Variants in NEXN observed in about 807,000 individuals in gnomAD.
NEXN encodes the protein nexilin.
Under a neutral mutation model 92.6 loss-of-function variants are expected in NEXN, and 65 were observed. The observed-to-expected ratio is 0.70, with a 90% CI of 0.57 to 0.86. The LOEUF is 0.86. Among genes scored for constraint, NEXN ranks in the 40% least tolerant of loss-of-function variants. The probability of loss-of-function intolerance (pLI) is 0.00; values close to 1 mark genes in which losing one functional copy is unlikely to be tolerated. For missense variants in NEXN, 778 were observed against 771.1 expected (o/e 1.01, Z -0.11); for synonymous variants, 254 against 242.5 (o/e 1.05, Z -0.44).
rs149920580 is a variant in NEXN, at chr1:77,915,789, T to C, written c.-52-266T>C. 2.0e-3 allele frequency among the ~76,000 whole-genome samples: 312 copies of C among 152,370 alleles called. 1 individual carries two copies. Among genetic ancestry groups the C allele is most frequent in the African/African-American group, 6.8e-3 (282 of 41,592 alleles). On this transcript the variant is annotated intron_variant, in intron 1 of 12. Transcript: ENST00000334785. ...ATAGAGTAATACACTCAGTAATTGC[T>C]GAATACACATTCTTTTCAAGTGAAC...
At chr1:77,933,583 T>C (rs575757155) in intron 10 of NEXN, 104 bp downstream of exon 10, 82 of 917,364 alleles carry the variant, frequency 8.9e-5, no homozygotes, top group South Asian at 2.0e-4. Flanking sequence ...TTTAGGATAG[T>C]TGACATAGTA....
At chr1:77,909,280 C>T (rs1339095086) in intron 1 of NEXN, among the ~76,000 whole-genome samples, 4 of 151,936 alleles carry the variant, frequency 2.6e-5, no homozygotes, top group African/African-American at 9.7e-5. Context: ...ATTAGCTGGG[C>T]GTAGTGGGGC....
chr1:77,933,555 T>C (rs1455689894), intron 10 of NEXN, 76 bp downstream of exon 10: 2 of 1,063,164 alleles, frequency 1.9e-6, no homozygotes, highest in Admixed American at 4.0e-5. Flanking sequence ...TTATAATAAC[T>C]TTGTATTATT....
intron 10 of NEXN, among the ~76,000 whole-genome samples, chr1:77,935,159 T>A (rs1053912742): frequency 6.6e-6 from 1 of 152,142 alleles, no homozygotes; most frequent in Non-Finnish European, 1.5e-5. Context: ...CACCTCAGCC[T>A]CCCAAGTAGC....
In NEXN at chr1:77,925,926, A is replaced by G. The variant is rs1005722403; in HGVS notation, c.490-488A>G. On this transcript the variant is annotated intron_variant, in intron 6 of 12. Transcript: ENST00000334785. The stretch of plus-strand genomic sequence containing the variant: ...ATACCAGAGAGTTTATCTATAATAT[A>G]TATAAATGTTTAATAAATCACTTGG... Among the ~76,000 whole-genome samples, 87 of 152,066 alleles carry G rather than the reference A, an allele frequency of 5.7e-4. 6 individuals carry two copies. Among genetic ancestry groups the G allele is most frequent in the Non-Finnish European group, 1.0e-4 (7 of 67,994 alleles).
chr1:77,900,369 G>A (rs1450425480), intron 1 of NEXN, among the ~76,000 whole-genome samples: 1 of 152,038 alleles, frequency 6.6e-6, no homozygotes, highest in Admixed American at 6.6e-5. Context: ...TCTATAGCCT[G>A]GTTATAATAC....
intron 1 of NEXN, among the ~76,000 whole-genome samples, chr1:77,895,262 G>C (rs1220767371): frequency 6.6e-6 from 1 of 151,574 alleles, no homozygotes; most frequent in Non-Finnish European, 1.5e-5. Context: ...AGCCAGGATG[G>C]TCTCGATCTC....
chr1:77,897,954 G>A (rs1647366870), intron 1 of NEXN, among the ~76,000 whole-genome samples: 2 of 152,146 alleles, frequency 1.3e-5, no homozygotes, highest in African/African-American at 4.8e-5. Flanking sequence ...AACTTACAAG[G>A]GAAGTGAAGG....
intron 1 of NEXN, among the ~76,000 whole-genome samples, chr1:77,911,009 T>C (rs1648534744): frequency 6.6e-6 from 1 of 151,884 alleles, no homozygotes; most frequent in Non-Finnish European, 1.5e-5. Context: ...GGCTAATTTT[T>C]AAATTTTTTG....
Position 77,918,271 on chromosome 1 carries a change from C to G in NEXN, c.445C>G (p.Gln149Glu), listed in dbSNP as rs750032549. The G allele has an allele frequency of 1.2e-6, 2 of 1,613,878 alleles. No homozygotes were observed. The highest frequency in any genetic ancestry group is 1.7e-6 in the Non-Finnish European group (2 of 1,179,922). ...GCGTGAATTAGCAAAAAGGGCTGAACAGGTATCACTGAAGATTAAGTTCGT... is the reference window on the plus strand; with the variant it reads ...GCGTGAATTAGCAAAAAGGGCTGAAGAGGTATCACTGAAGATTAAGTTCGT... The part of the protein sequence containing the change: ...IQRELAKRAE[Q>E]IEDINNTGTE... The change falls in exon 5 of 13, where the codon CAG becomes GAG. Residue 149 changes from glutamine to glutamate, a missense_variant and splice_region_variant. This residue lies in a region of NEXN where 236 missense variants were observed against 265.6 expected (regional missense o/e 0.89). Coordinates refer to ENST00000334785, the MANE Select transcript of NEXN (RefSeq NM_144573.4).
At position 77,926,577 on chromosome 1, in the gene NEXN, C is replaced by T; in HGVS notation, c.653C>T (p.Ser218Phe). 6.2e-7 allele frequency: 1 copy of T among 1,613,914 alleles called. No homozygotes were observed. The highest frequency in any genetic ancestry group is 8.5e-7 in the Non-Finnish European group (1 of 1,179,930). The change falls in exon 7 of 13, where the codon TCT (serine) becomes TTT (phenylalanine). Residue 218 changes from serine (S) to phenylalanine (F), a missense_variant. Physicochemically the swap from Ser to Phe is radical, Grantham distance 155. Around this residue, in one of 3 missense-constraint regions of NEXN, gnomAD observed 236 missense variants for 265.6 expected, o/e 0.89. Transcript: ENST00000334785. ...ATAAGATATGAAGAACAACGACCAT[C>T]TCTCAAGGAAGCAAAGTGTCTTTCA... is the stretch of plus-strand genomic sequence containing the variant. ...KRIRYEEQRP[S>F]LKEAKCLSLV... is the part of the protein sequence containing the mutation.
chr1:77,894,319 G>A (rs949275055), intron 1 of NEXN, among the ~76,000 whole-genome samples: 1 of 152,112 alleles, frequency 6.6e-6, no homozygotes, highest in Admixed American at 6.5e-5. Context: ...TCACTACTTC[G>A]TATAGGTGAA....
At chr1:77,940,420 C>A (rs952191386) in intron 11 of NEXN, among the ~76,000 whole-genome samples, 48 of 152,140 alleles carry the variant, frequency 3.2e-4, no homozygotes, top group African/African-American at 1.2e-3. Flanking sequence ...TTTAACCTGG[C>A]TTTTTAGGAG....
intron 1 of NEXN, among the ~76,000 whole-genome samples, chr1:77,911,045 C>T (rs532800225): frequency 7.6e-4 from 115 of 152,036 alleles, no homozygotes; most frequent in Admixed American, 5.6e-3. Flanking sequence ...CTATGTTGCC[C>T]AGGTTGTTCT....
In NEXN at chr1:77,943,789, A is replaced by G. The variant is rs1390747899; in HGVS notation, c.*960A>G. 2.6e-5 allele frequency: 4 copies of G among 152,206 alleles called. No individual in the cohort carries two copies. The highest frequency in any genetic ancestry group is 5.9e-5 in the Non-Finnish European group (4 of 68,028). 9.4% of individuals were successfully genotyped at this position (152,206 alleles called of 1,614,324 possible). On this transcript the variant is annotated 3_prime_UTR_variant, in exon 13 of 13. Transcript: ENST00000334785. ...ATTCTAGTCTTTAAAATGAGTTTGTAAATAATTAGCTATTACGTTCTATTA... is the reference window on the plus strand; with the variant it reads ...ATTCTAGTCTTTAAAATGAGTTTGTGAATAATTAGCTATTACGTTCTATTA...
intron 1 of NEXN, among the ~76,000 whole-genome samples, chr1:77,902,803 C>T (rs539921980): frequency 1.1e-4 from 17 of 152,194 alleles, no homozygotes; most frequent in African/African-American, 3.9e-4. Flanking sequence ...ACCTAGAAAT[C>T]TAAGCATATT....
chr1:77,889,066 G>C (rs1291482862), intron 1 of NEXN: 2 of 152,690 alleles, frequency 1.3e-5, no homozygotes, highest in African/African-American at 4.8e-5. Flanking sequence ...TCTTTGCCCT[G>C]CTCCCCTGCG....
intron 1 of NEXN, among the ~76,000 whole-genome samples, chr1:77,895,876 C>T (rs898888180): frequency 2.0e-5 from 3 of 150,812 alleles, no homozygotes; most frequent in Non-Finnish European, 4.4e-5. Context: ...AAAAAGAAAT[C>T]TTAAAAGTTG....
intron 1 of NEXN, among the ~76,000 whole-genome samples, chr1:77,897,352 A>G (rs1413135100): frequency 2.0e-5 from 3 of 152,254 alleles, no homozygotes; most frequent in African/African-American, 7.2e-5. Flanking sequence ...AGGCTGGTTC[A>G]ATATACGCAA....
Sources: allele counts gnomAD v4.1 joint callset (sites outside exome capture counted in the v4.1 genomes callset), GRCh38; gene constraint gnomAD v4.1.1; regional missense constraint gnomAD v4.1.1; transcripts MANE v1.5; gene names NCBI Gene and HGNC (gene_info 2026-07-23, HGNC 2026-07-21).